The following TMEM132A variants were observed in gnomAD, a reference collection of about 807,000 sequenced individuals.
The protein encoded by TMEM132A is GRP78-binding protein.
TMEM132A carries 48 observed loss-of-function variants against 69.9 expected under a neutral mutation model. That is an observed-to-expected ratio of 0.69 (90% confidence interval 0.55 to 0.87). The LOEUF (loss-of-function observed/expected upper bound fraction) is 0.87. Ranked by LOEUF, TMEM132A falls within the 40% of genes least tolerant of loss-of-function variation. The probability of loss-of-function intolerance (pLI) is 0.00; values close to 1 mark genes in which losing one functional copy is unlikely to be tolerated. For missense variants in TMEM132A, 1,287 were observed against 1,407.2 expected (o/e 0.91, Z 1.37); for synonymous variants, 577 against 613.7 (o/e 0.94, Z 0.88).
At chr11:60,931,609 T>A in intron 5 of TMEM132A, 80 bp from the exon 6 acceptor site, 1 of 1,385,220 alleles carries the variant, frequency 7.2e-7, no homozygotes, top group South Asian at 1.3e-5. Flanking sequence ...AAAATGGGGA[T>A]AATCATGAAT....
At chr11:60,924,891 A>T (rs1856316964) in intron 1 of TMEM132A, among the ~76,000 whole-genome samples, 158 bp downstream of exon 1, 2 of 151,958 alleles carry the variant, frequency 1.3e-5, no homozygotes, top group African/African-American at 2.4e-5. Context: ...GCCCTCGGGA[A>T]CCTGCCCCCA....
At chr11:60,926,347 C>T (rs938880896) in intron 1 of TMEM132A, among the ~76,000 whole-genome samples, 7 of 152,202 alleles carry the variant, frequency 4.6e-5, no homozygotes, top group African/African-American at 4.8e-5. Flanking sequence ...CTTAACCTCT[C>T]GGCCTCATTT....
chr11:60,927,146 G>A (rs868148576), intron 1 of TMEM132A, 58 bp from the exon 2 acceptor site: 21 of 1,479,120 alleles, frequency 1.4e-5, no homozygotes, highest in Admixed American at 1.7e-5. Context: ...CATGGCACCC[G>A]GGTCAGCCCC....
chr11:60,931,383 A>G (rs1856477151), intron 5 of TMEM132A, among the ~76,000 whole-genome samples: 1 of 152,164 alleles, frequency 6.6e-6, no homozygotes, highest in Non-Finnish European at 1.5e-5. Flanking sequence ...GGAAAGCGGA[A>G]GTCTGGGGGA....
intron 4 of TMEM132A, among the ~76,000 whole-genome samples, chr11:60,929,682 C>G (rs1395311794): frequency 6.6e-6 from 1 of 152,148 alleles, no homozygotes; most frequent in Non-Finnish European, 1.5e-5. Context: ...TCCTGAGGAT[C>G]GAAGAGCGGT....
At chr11:60,932,300 C>T in intron 7 of TMEM132A, 173 bp downstream of exon 7, 1 of 772,096 alleles carries the variant, frequency 1.3e-6, no homozygotes, top group Non-Finnish European at 1.9e-6. Flanking sequence ...CCACCTCTCT[C>T]CCGAGTCAAG....
chr11:60,934,804 G>T, intron 9 of TMEM132A, 40 bp downstream of exon 9: 3 of 1,542,322 alleles, frequency 1.9e-6, no homozygotes, highest in South Asian at 1.2e-5. Context: ...CCCCTGAGAA[G>T]GGTGGAGGGG....
In TMEM132A at chr11:60,927,252, T is replaced by C. The variant is rs200112515; in HGVS notation, c.149T>C (p.Leu50Pro). Reference sequence around the variant, plus strand: ...GACCCTGTCTACCTGCCGGCAGCCCTGGAGCTCCTAGACGCCCCTGAACAC... The same window carrying C: ...GACCCTGTCTACCTGCCGGCAGCCCCGGAGCTCCTAGACGCCCCTGAACAC... The part of the protein sequence containing the change: ...PLDPVYLPAA[L>P]ELLDAPEHFR... Residue 50 changes from leucine to proline, a missense_variant, in exon 2 of 11, where the codon CTG (leucine) becomes CCG (proline). Coordinates refer to ENST00000453848, the MANE Select transcript of TMEM132A (RefSeq NM_178031.3). 14 of 1,613,598 alleles carry C rather than the reference T, an allele frequency of 8.7e-6. No individual in the cohort carries two copies. The highest frequency in any genetic ancestry group is 1.2e-5 in the Non-Finnish European group (14 of 1,179,968).
chr11:60,927,123 T>C (rs944796260), intron 1 of TMEM132A, 81 bp from the exon 2 acceptor site: 1 of 1,149,808 alleles, frequency 8.7e-7, no homozygotes, highest in Admixed American at 1.7e-5. Flanking sequence ...TGCCCACAAC[T>C]ACTGTGCCCC....
intron 7 of TMEM132A, 105 bp downstream of exon 7, chr11:60,932,232 C>T: frequency 7.4e-7 from 1 of 1,353,058 alleles, no homozygotes; most frequent in South Asian, 1.7e-5. Context: ...AGAACAGCTT[C>T]TTCTTGAGAC....
rs2285733 is a variant in TMEM132A at position 60,931,758 on chromosome 11, G to A, written c.1086G>A (p.Ala362=). The A allele has an allele frequency of 0.023, 37,726 of 1,614,172 alleles. 1,556 individuals are homozygous for A. Among genetic ancestry groups the A allele is most frequent in the East Asian group, 0.18 (8,267 of 44,880 alleles). The part of the protein sequence containing the change: ...VVENSTGGGV[A]VTRPVTWQLE... ...AGAATAGCACTGGTGGGGGCGTAGC[G>A]GTCACTCGCCCCGTCACGTGGCAGC... The change falls in exon 6 of 11, where the codon GCG becomes GCA. Residue 362 remains alanine (A), a synonymous_variant. Coordinates refer to ENST00000453848, the MANE Select transcript of TMEM132A (RefSeq NM_178031.3).
Position 60,933,687 on chromosome 11 carries a change from T to C in TMEM132A, c.1502T>C (p.Leu501Pro), listed in dbSNP as rs774213722. The stretch of plus-strand genomic sequence containing the variant: ...CCCCTGCTACCGCTGCGTATCGAGC[T>C]CACCGACACCACCCTCGAGCAGGTC... The part of the protein sequence containing the change: ...WAPLLPLRIE[L>P]TDTTLEQVRG... The change falls in exon 8 of 11, where the codon CTC (leucine) becomes CCC (proline). Residue 501 changes from leucine to proline, a missense_variant. Physicochemically the swap from Leu to Pro is moderately conservative, Grantham distance 98. Coordinates refer to ENST00000453848, the MANE Select transcript of TMEM132A (RefSeq NM_178031.3). The C allele has an allele frequency of 6.2e-7, 1 of 1,604,266 alleles. No homozygotes were observed. The highest frequency in any genetic ancestry group is 1.3e-5 in the African/African-American group (1 of 74,910).
chr11:60,934,032 C>T (rs1271660245), intron 8 of TMEM132A: 103 of 483,984 alleles, frequency 2.1e-4, no homozygotes, highest in Non-Finnish European at 7.3e-6. Flanking sequence ...CCTTTCCACG[C>T]TCCTCCCCCG....
chr11:60,931,604 G>T, intron 5 of TMEM132A, 85 bp from the exon 6 acceptor site: 1 of 1,344,068 alleles, frequency 7.4e-7, no homozygotes, highest in Non-Finnish European at 1.0e-6. Context: ...TGTGTAAAAT[G>T]GGGATAATCA....
At chr11:60,929,774 T>C (rs1856435767) in intron 4 of TMEM132A, among the ~76,000 whole-genome samples, 1 of 152,170 alleles carries the variant, frequency 6.6e-6, no homozygotes, top group South Asian at 2.1e-4. Flanking sequence ...TCTCCCCATC[T>C]CCTACGCCCT....
rs144441365 is a variant in TMEM132A at position 60,927,852 on chromosome 11, G to A, written c.527G>A (p.Arg176His). Reference sequence around the variant, plus strand: ...GCCGGCACTGCTCACCAAGCCTGCCGCTTCCAGGTGAGTAGACAGGCCCCA... The same window carrying A: ...GCCGGCACTGCTCACCAAGCCTGCCACTTCCAGGTGAGTAGACAGGCCCCA... ...HPAGTAHQAC[R>H]FQPSLGACVV... Residue 176 changes from arginine to histidine, a missense_variant, in exon 3 of 11, where the codon CGC becomes CAC. Arg to His is a conservative substitution (Grantham distance 29). Transcript: ENST00000453848. The A allele has an allele frequency of 7.5e-4, 1,211 of 1,608,290 alleles. No homozygotes were observed. The highest frequency in any genetic ancestry group is 9.1e-4 in the Non-Finnish European group (1,068 of 1,178,774).
chr11:60,930,671 C>T lies in TMEM132A; in HGVS notation c.1016+12C>T, dbSNP rs554003123. 6.2e-7 allele frequency: 1 copy of T among 1,601,856 alleles called. No homozygotes were observed. Among genetic ancestry groups the T allele is most frequent in the Non-Finnish European group, 8.5e-7 (1 of 1,174,744 alleles). ...GAGCCAGATTCCAGGTGGGCAGTTT[C>T]CCTCCACCCAGGGGGCAAAGGAGGG... On this transcript the variant is annotated intron_variant, in intron 5 of 10. Transcript: ENST00000453848.
In TMEM132A at chr11:60,929,425, T is replaced by C. The variant is rs999581799; in HGVS notation, c.866+465T>C. On this transcript the variant is annotated intron_variant, in intron 4 of 10. Coordinates refer to ENST00000453848, the MANE Select transcript of TMEM132A (RefSeq NM_178031.3). ...TTTGGACAGAGCTTGCTCTTCCCCA[T>C]AGGAAGGCCCTGATTCTTTGTGTCC... Among the ~76,000 whole-genome samples the C allele has an allele frequency of 2.6e-5, 4 of 152,188 alleles. No individual in the cohort carries two copies. In the South Asian group the frequency reaches 8.3e-4, roughly 31 times the overall value.
chr11:60,931,536 T>G (rs1349478547), intron 5 of TMEM132A, 153 bp from the exon 6 acceptor site: 1 of 744,664 alleles, frequency 1.3e-6, no homozygotes, highest in Non-Finnish European at 2.2e-6. Flanking sequence ...CCAGCCCCGC[T>G]ACTTTTTGCT....
Sources: allele counts gnomAD v4.1 joint callset (sites outside exome capture counted in the v4.1 genomes callset), GRCh38; gene constraint gnomAD v4.1.1; transcripts MANE v1.5; gene names NCBI Gene and HGNC (gene_info 2026-07-23, HGNC 2026-07-21).